The following SLC25A21 variants were observed in gnomAD, a reference collection of about 807,000 sequenced individuals.
The protein encoded by SLC25A21 is mitochondrial 2-oxodicarboxylate carrier.
In SLC25A21, 47 loss-of-function variants were observed where a neutral mutation model predicts 43.8. The observed-to-expected ratio is 1.07, with a 90% CI of 0.85 to 1.37. SLC25A21 has a LOEUF of 1.37. Among genes scored for constraint, SLC25A21 ranks in the 40% most tolerant of loss-of-function variants. The pLI is 0.00. For missense variants in SLC25A21, 352 were observed against 350.2 expected (o/e 1.00, Z -0.04); for synonymous variants, 131 against 121.3 (o/e 1.08, Z -0.52).
chr14:36,779,639 T>TATATATATATATATATATATATATAG (rs1886979045), intron 3 of SLC25A21, among the ~76,000 whole-genome samples: 1 of 131,692 alleles, frequency 7.6e-6, no homozygotes, highest in Non-Finnish European at 1.6e-5. Flanking sequence ...TATATATATA[T>TATATATATATATATATATATATATAG]ATATGTATAC....
chr14:36,961,313 G>A (rs1375153476), intron 1 of SLC25A21, among the ~76,000 whole-genome samples: 2 of 151,770 alleles, frequency 1.3e-5, no homozygotes, highest in Admixed American at 6.6e-5. Flanking sequence ...CCGGGTTCAC[G>A]CCATTCTCCT....
chr14:36,704,257 G>A (rs1883402281), intron 7 of SLC25A21, among the ~76,000 whole-genome samples: 1 of 152,180 alleles, frequency 6.6e-6, no homozygotes, highest in South Asian at 2.1e-4. Flanking sequence ...GTCTGAGCAT[G>A]GCAGAAAGAG....
Position 36,969,213 on chromosome 14 carries a change from A to G in SLC25A21, c.71-94209T>C, listed in dbSNP as rs142812033. On this transcript the variant is annotated intron_variant, in intron 1 of 9. Coordinates refer to ENST00000331299, the MANE Select transcript of SLC25A21 (RefSeq NM_030631.4). ...GAAATAAATAAATATGTTGTCTTTG[A>G]TGCCCACCAAAGTTGATGTTCCAGA... Among the ~76,000 whole-genome samples, 433 of 152,302 alleles carry G rather than the reference A, an allele frequency of 2.8e-3. 2 individuals are homozygous for G. The highest frequency in any genetic ancestry group is 0.01 in the African/African-American group (419 of 41,578).
intron 1 of SLC25A21, among the ~76,000 whole-genome samples, chr14:36,913,027 A>T (rs1594688333): frequency 6.6e-6 from 1 of 152,102 alleles, no homozygotes; most frequent in East Asian, 1.9e-4. Context: ...TCAACCTGCC[A>T]TTGGCTGAGA....
rs201560039 is a variant in SLC25A21 at position 37,105,564 on chromosome 14, TTTTTAA to T, written c.70+66711_70+66716del. Reference sequence around the variant, plus strand: ...TCTTAGAATATGCTTTTTAATTTTATTTTTAATTTTAAGAAGAAAAGAGAGTCAGCG... The same window carrying T: ...TCTTAGAATATGCTTTTTAATTTTATTTTTAAGAAGAAAAGAGAGTCAGCG... On this transcript the variant is annotated intron_variant, in intron 1 of 9. Transcript: ENST00000331299. 4.4e-3 allele frequency among the ~76,000 whole-genome samples: 675 copies of T among 152,314 alleles called. 7 individuals carry two copies. The highest frequency in any genetic ancestry group is 0.015 in the African/African-American group (620 of 41,562).
chr14:36,708,372 T>C (rs545225482), intron 7 of SLC25A21, among the ~76,000 whole-genome samples: 9 of 152,376 alleles, frequency 5.9e-5, no homozygotes, highest in African/African-American at 2.2e-4. Context: ...ATCTAATAGA[T>C]AATTTGTTTG....
chr14:36,998,420 A>T (rs957776599), intron 1 of SLC25A21, among the ~76,000 whole-genome samples: 1 of 152,174 alleles, frequency 6.6e-6, no homozygotes, highest in African/African-American at 2.4e-5. Flanking sequence ...CTTCTACCTC[A>T]TGAATCATGA....
intron 2 of SLC25A21, among the ~76,000 whole-genome samples, chr14:36,873,435 A>G (rs1298402219): frequency 6.6e-6 from 1 of 152,014 alleles, no homozygotes; most frequent in Non-Finnish European, 1.5e-5. Flanking sequence ...AGCTCGGATT[A>G]CAGGGGTGTG....
intron 3 of SLC25A21, among the ~76,000 whole-genome samples, chr14:36,767,561 T>C (rs752627938): frequency 6.6e-6 from 1 of 152,212 alleles, no homozygotes. Context: ...AATCTGAAAC[T>C]AGTTATTTTA....
At chr14:36,711,570 A>G in intron 6 of SLC25A21, 88 bp from the exon 7 acceptor site, 1 of 1,406,802 alleles carries the variant, frequency 7.1e-7, no homozygotes, top group Non-Finnish European at 9.5e-7. Context: ...TTCAAGCCAG[A>G]ATTATTAGGG....
chr14:36,757,669 C>T (rs191417831), intron 3 of SLC25A21, among the ~76,000 whole-genome samples: 35 of 152,280 alleles, frequency 2.3e-4, no homozygotes, highest in African/African-American at 7.9e-4. Context: ...TAAAACTAGT[C>T]TCAATACTTA....
intron 1 of SLC25A21, among the ~76,000 whole-genome samples, chr14:37,167,548 G>A (rs559730297): frequency 6.6e-6 from 1 of 151,766 alleles, no homozygotes; most frequent in South Asian, 2.1e-4. Flanking sequence ...CCTTTCCCAA[G>A]ACAGAACCCC....
intron 1 of SLC25A21, among the ~76,000 whole-genome samples, chr14:37,097,544 G>T (rs2085380541): frequency 6.6e-6 from 1 of 152,030 alleles, no homozygotes; most frequent in South Asian, 2.1e-4. Flanking sequence ...ATATTTAGGG[G>T]CAAGGCCTAC....
At chr14:36,898,731 G>C (rs138886568) in intron 1 of SLC25A21, among the ~76,000 whole-genome samples, 1 of 152,266 alleles carries the variant, frequency 6.6e-6, no homozygotes, top group African/African-American at 2.4e-5. Flanking sequence ...CATGGAAGTG[G>C]AGAGTACAAT....
intron 3 of SLC25A21, among the ~76,000 whole-genome samples, chr14:36,806,318 T>C (rs1195202308): frequency 1.3e-5 from 2 of 152,086 alleles, no homozygotes; most frequent in Admixed American, 1.3e-4. Flanking sequence ...CATAGCACTG[T>C]AGGATGACTA....
chr14:37,106,878 C>A (rs1306281598), intron 1 of SLC25A21, among the ~76,000 whole-genome samples: 2 of 152,266 alleles, frequency 1.3e-5, no homozygotes, highest in Admixed American at 6.5e-5. Context: ...TATTTCTCAG[C>A]CAGCCAACAC....
intron 1 of SLC25A21, chr14:37,097,047 T>A (rs1013427853): frequency 6.6e-6 from 1 of 151,710 alleles, no homozygotes; most frequent in African/African-American, 2.4e-5. Flanking sequence ...TTTTTGTTTT[T>A]TTTTGTTTGT....
At chr14:36,978,063 AG>A (rs1398421380) in intron 1 of SLC25A21, among the ~76,000 whole-genome samples, 1 of 152,162 alleles carries the variant, frequency 6.6e-6, no homozygotes, top group African/African-American at 2.4e-5. Context: ...GATAAAATCA[AG>A]ATGTGATTAT....
chr14:36,950,917 A>G (rs1892793958), intron 1 of SLC25A21, among the ~76,000 whole-genome samples: 1 of 152,166 alleles, frequency 6.6e-6, no homozygotes, highest in Non-Finnish European at 1.5e-5. Flanking sequence ...AAAACCTGGA[A>G]TTGCAGCAAG....
Sources: gnomAD v4.1 joint callset for allele counts (sites outside exome capture counted in the v4.1 genomes callset) on GRCh38, gnomAD v4.1.1 for gene constraint, MANE v1.5 for transcripts, NCBI Gene and HGNC (gene_info 2026-07-23, HGNC 2026-07-21) for gene names.